NBEAL1: variants seen among roughly 807,000 people sequenced by gnomAD.
NBEAL1 encodes the protein neurobeachin-like protein 1.
Under a neutral mutation model 351.3 loss-of-function variants are expected in NBEAL1, and 273 were observed. The observed-to-expected ratio is 0.78, with a 90% confidence interval of 0.70 to 0.86. The LOEUF is 0.86. Among genes scored for constraint, NBEAL1 ranks in the 40% least tolerant of loss-of-function variants. The pLI is 0.00. For synonymous variants in NBEAL1, 1,050 were observed against 1,086.4 expected, an observed-to-expected ratio of 0.97 and a Z score of 0.66; for missense variants, 2,961 against 3,201.3, an observed-to-expected ratio of 0.92 and a Z score of 1.81.
chr2:203,126,556 G>A lies in NBEAL1; in HGVS notation c.2986-1G>A. 6.9e-7 allele frequency: 1 copy of A among 1,447,058 alleles called. No individual in the cohort carries two copies. 89.6% of individuals were successfully genotyped at this position (1,447,058 alleles called of 1,614,324 possible). A position where few individuals can be genotyped will look rare whatever the true frequency, so the allele number is the denominator to read the frequency against. On this transcript the variant is annotated splice_acceptor_variant, in intron 21 of 55. Coordinates refer to ENST00000683969, the MANE Select transcript of NBEAL1 (RefSeq NM_001378026.1). LOFTEE classifies it high-confidence loss of function. Reference sequence around the variant, plus strand: ...TGAAACCCTCTTCTGTTTGGTTTCAGGTGCCAAGCACCTTGATGGATGTTA... The same window carrying A: ...TGAAACCCTCTTCTGTTTGGTTTCAAGTGCCAAGCACCTTGATGGATGTTA...
Position 203,224,264 on chromosome 2 carries a change from T to G in NBEAL1, c.*6910T>G, listed in dbSNP as rs1435536725. Among the ~76,000 whole-genome samples, 1 of 152,102 alleles carries G rather than the reference T, an allele frequency of 6.6e-6. No homozygotes were observed. ...TGTGGCAAACTGCTTATTTTATAAG[T>G]AGCTTTATATAAGAAAACTTCTTAG... On this transcript the variant is annotated 3_prime_UTR_variant, in exon 56 of 56. Coordinates refer to ENST00000683969, the MANE Select transcript of NBEAL1 (RefSeq NM_001378026.1).
chr2:203,212,121 A>C (rs1485334297), intron 54 of NBEAL1, among the ~76,000 whole-genome samples: 6 of 151,758 alleles, frequency 4.0e-5, no homozygotes, highest in Non-Finnish European at 7.4e-5. Context: ...TTCTGACCTC[A>C]AGTGATCCAC....
chr2:203,182,658 C>CACTGGTATTTTAAGGCAGCAT (rs2064765524), intron 43 of NBEAL1: 1 of 152,210 alleles, frequency 6.6e-6, no homozygotes, highest in South Asian at 2.1e-4. Context: ...ACTTGTGATA[C>CACTGGTATTTTAAGGCAGCAT]ACTGGTATTT....
At chr2:203,073,573 C>T (rs530659032) in intron 7 of NBEAL1, among the ~76,000 whole-genome samples, 165 of 152,194 alleles carry the variant, frequency 1.1e-3, no homozygotes, top group East Asian at 1.2e-3. Flanking sequence ...CCCAGGGGTT[C>T]GGGGCTATAG....
chr2:203,056,873 A>C (rs997910338), intron 5 of NBEAL1, among the ~76,000 whole-genome samples: 1 of 152,134 alleles, frequency 6.6e-6, no homozygotes, highest in Non-Finnish European at 1.5e-5. Context: ...CTGGCCTACT[A>C]TTTTTTATAT....
chr2:203,169,176 A>G (rs1039342802), intron 38 of NBEAL1, among the ~76,000 whole-genome samples: 4 of 152,044 alleles, frequency 2.6e-5, no homozygotes, highest in Non-Finnish European at 4.4e-5. Context: ...CAGCAAGTAC[A>G]ATAGGGTAAT....
intron 40 of NBEAL1, among the ~76,000 whole-genome samples, chr2:203,172,460 G>T (rs1273155490): frequency 6.6e-6 from 1 of 152,136 alleles, no homozygotes; most frequent in African/African-American, 2.4e-5. Flanking sequence ...GGCAGAGGTT[G>T]CAGTGAGCCG....
intron 3 of NBEAL1, among the ~76,000 whole-genome samples, chr2:203,047,902 C>G (rs2106065284): frequency 6.6e-6 from 1 of 152,026 alleles, no homozygotes; most frequent in South Asian, 2.1e-4. Flanking sequence ...ACCACTATAC[C>G]TGGTTAATTT....
rs1367899663 is a variant in NBEAL1 at position 203,132,099 on chromosome 2, A to C, written c.3691A>C (p.Ile1231Leu). ...LNEALVNTSL[I>L]KNLTHQIINT... is the part of the protein sequence containing the mutation. ...TGAAGCACTTGTTAATACTTCTCTT[A>C]TTAAAAACCTCACCCATCAAATCAT... Residue 1231 changes from isoleucine (I) to leucine (L), a missense_variant, in exon 26 of 56, where the codon ATT becomes CTT. By Grantham distance (5) the Ile-to-Leu change is conservative. Transcript: ENST00000683969. 16 of 1,540,752 alleles carry C rather than the reference A, an allele frequency of 1.0e-5. No homozygotes were observed. Among genetic ancestry groups the C allele is most frequent in the Middle Eastern group, 1.7e-4 (1 of 5,992 alleles).
chr2:203,141,074 G>C (rs1395147280), intron 31 of NBEAL1, among the ~76,000 whole-genome samples: 1 of 150,744 alleles, frequency 6.6e-6, no homozygotes, highest in Non-Finnish European at 1.5e-5. Flanking sequence ...TTTCAACCTA[G>C]AAGTAGAATG....
intron 55 of NBEAL1, among the ~76,000 whole-genome samples, chr2:203,216,476 G>T (rs751373453): frequency 2.0e-5 from 3 of 152,016 alleles, no homozygotes; most frequent in Non-Finnish European, 4.4e-5. Flanking sequence ...AGGTGTGTTG[G>T]CTCACACCTG....
chr2:203,195,905 G>A (rs2065228783), intron 47 of NBEAL1, among the ~76,000 whole-genome samples: 1 of 152,152 alleles, frequency 6.6e-6, no homozygotes, highest in South Asian at 2.1e-4. Context: ...CATACTATTT[G>A]CACAAACACT....
At chr2:203,127,459 C>T (rs2062965344) in intron 23 of NBEAL1, among the ~76,000 whole-genome samples, 1 of 152,134 alleles carries the variant, frequency 6.6e-6, no homozygotes, top group Non-Finnish European at 1.5e-5. Context: ...CGCGGTGGCT[C>T]ACGCCTGTAA....
chr2:203,160,635 C>A (rs2063925434), intron 36 of NBEAL1, among the ~76,000 whole-genome samples: 2 of 152,048 alleles, frequency 1.3e-5, no homozygotes, highest in Admixed American at 1.3e-4. Flanking sequence ...GTAAAAAAAA[C>A]TATACATTTT....
Position 203,126,037 on chromosome 2 carries a change from C to T in NBEAL1, c.2929C>T (p.Gln977Ter). ...TTTTATTCAGAGACATCCTATCAAC[C>T]AGGGCAATCTTATTCACTCCCATGG... The part of the protein sequence containing the change: ...KHFIQRHPIN[Q>*]GNLIHSHGVA... The change falls in exon 21 of 56, where the codon CAG becomes TAG. Residue 977 changes from glutamine (Q) to a stop codon, truncating the protein, a stop_gained. Coordinates refer to ENST00000683969, the MANE Select transcript of NBEAL1 (RefSeq NM_001378026.1). LOFTEE classifies it high-confidence loss of function. The T allele has an allele frequency of 6.5e-7, 1 of 1,543,144 alleles. No individual in the cohort carries two copies. Among genetic ancestry groups the T allele is most frequent in the Non-Finnish European group, 8.7e-7 (1 of 1,143,452 alleles).
chr2:203,058,273 C>T (rs1030343649), intron 6 of NBEAL1, among the ~76,000 whole-genome samples: 2 of 152,118 alleles, frequency 1.3e-5, no homozygotes, highest in African/African-American at 4.8e-5. Context: ...CTCAAGTAAT[C>T]CTCCCGCCTT....
chr2:203,111,089 C>T (rs930046211), intron 15 of NBEAL1, among the ~76,000 whole-genome samples: 1 of 151,974 alleles, frequency 6.6e-6, no homozygotes, highest in African/African-American at 2.4e-5. Flanking sequence ...CCTGTAAACC[C>T]AGCACTTTGA....
At chr2:203,067,928 C>T (rs909215055) in intron 6 of NBEAL1, among the ~76,000 whole-genome samples, 1 of 152,180 alleles carries the variant, frequency 6.6e-6, no homozygotes, top group Non-Finnish European at 1.5e-5. Context: ...AAAATAATCC[C>T]AGCCCATACT....
intron 6 of NBEAL1, among the ~76,000 whole-genome samples, chr2:203,065,232 C>T (rs1164033448): frequency 2.0e-5 from 3 of 152,038 alleles, no homozygotes; most frequent in Admixed American, 2.0e-4. Context: ...TCACTCCACT[C>T]TGGACAATAG....
Sources: gnomAD v4.1 joint callset for allele counts (sites outside exome capture counted in the v4.1 genomes callset) on GRCh38, gnomAD v4.1.1 for gene constraint, MANE v1.5 for transcripts, NCBI Gene and HGNC (gene_info 2026-07-23, HGNC 2026-07-21) for gene names.